Variants in PANK4 observed in about 807,000 individuals in gnomAD.
PANK4 encodes pantothenate kinase 4 (inactive).
Under a neutral mutation model 87.9 loss-of-function variants are expected in PANK4, and 40 were observed. The observed-to-expected ratio is 0.46, with a 90% CI of 0.35 to 0.59. PANK4 has a LOEUF of 0.59. Among genes scored for constraint, PANK4 ranks in the 20% least tolerant of loss-of-function variants. The pLI is 0.00. For synonymous variants in PANK4, 524 were observed against 467.4 expected (o/e 1.12, Z -1.56); for missense variants, 926 against 1,072.3 (o/e 0.86, Z 1.90).
chr1:2,514,566 G>A (rs566340653), intron 10 of PANK4, 100 bp from the exon 11 acceptor site: 201 of 712,694 alleles, frequency 2.8e-4, no homozygotes, highest in African/African-American at 2.5e-3. Flanking sequence ...GGGGTCGGCC[G>A]TGGGGGACTG....
At position 2,515,564 on chromosome 1, in the gene PANK4, C is replaced by G. The variant is rs989407572; in HGVS notation, c.1372G>C (p.Gly458Arg). The change falls in exon 10 of 19, where the codon GGG becomes CGG. Residue 458 changes from glycine (G) to arginine (R), a missense_variant and splice_region_variant. Coordinates refer to ENST00000378466, the MANE Select transcript of PANK4 (RefSeq NM_018216.4). This position sits in a 1 kb window ranked among gnomAD's most constrained non-coding sequence, Gnocchi z 5.0. Reference sequence around the variant, plus strand: ...TAGACGGCACCCGGAGCCCTCACCCCGTCCAGGGCCTCCTCAAAGCAGGTG... The same window carrying G: ...TAGACGGCACCCGGAGCCCTCACCCGGTCCAGGGCCTCCTCAAAGCAGGTG... ...WLTCFEEALD[G>R]VVKRAVASQP... is the part of the protein sequence containing the mutation. The G allele has an allele frequency of 1.2e-6, 2 of 1,612,368 alleles. No homozygotes were observed. Among genetic ancestry groups the G allele is most frequent in the South Asian group, 1.1e-5 (1 of 91,060 alleles).
In PANK4 at chr1:2,515,225, G is replaced by A; in HGVS notation, c.1374+337C>T. ...AGTCTCACCCCACCCCCAGAGTCAGGGTCCCACAATGCCTCCCGCACCTCA... is the reference window on the plus strand; with the variant it reads ...AGTCTCACCCCACCCCCAGAGTCAGAGTCCCACAATGCCTCCCGCACCTCA... On this transcript the variant is annotated intron_variant, in intron 10 of 18. Transcript: ENST00000378466. This position sits in a 1 kb window ranked among gnomAD's most constrained non-coding sequence, Gnocchi z 5.0. The A allele has an allele frequency of 2.1e-6, 1 of 484,288 alleles. No individual in the cohort carries two copies. Among genetic ancestry groups the A allele is most frequent in the East Asian group, 5.3e-5 (1 of 19,022 alleles). The allele number at this position is 484,288 out of a possible 1,614,324, so 30.0% of individuals were successfully genotyped here. A position where few individuals can be genotyped will look rare whatever the true frequency, so the allele number is the denominator to read the frequency against.
At chr1:2,525,618 T>G (rs1248325907) in intron 1 of PANK4, 1 of 152,200 alleles carries the variant, frequency 6.6e-6, no homozygotes, top group Non-Finnish European at 1.5e-5. Flanking sequence ...GGGCTTGGTA[T>G]CCTCATCTGC....
At chr1:2,514,124 G>C (rs1643714718) in intron 11 of PANK4, 35 bp from the exon 12 acceptor site, 1 of 1,551,516 alleles carries the variant, frequency 6.4e-7, no homozygotes, top group South Asian at 1.1e-5. Context: ...GCTGAGCAGG[G>C]CAGGCCGAAC....
Position 2,509,352 on chromosome 1 carries a change from C to T in PANK4, c.2109-292G>A, listed in dbSNP as rs553971465. 7.9e-5 allele frequency among the ~76,000 whole-genome samples: 12 copies of T among 152,312 alleles called. No homozygotes were observed. In the East Asian group the frequency reaches 2.3e-3, roughly 29 times the overall value. The stretch of plus-strand genomic sequence containing the variant: ...GCCCTCCTTGTTGGTGAGAGTGGGG[C>T]TGGGGCACAGATGAAGCCAGCACTG... On this transcript the variant is annotated intron_variant, in intron 18 of 18. Transcript: ENST00000378466. This position sits in a 1 kb window ranked among gnomAD's most constrained non-coding sequence, Gnocchi z 4.9.
Position 2,515,348 on chromosome 1 carries a change from C to G in PANK4, c.1374+214G>C. 1 of 701,362 alleles carries G rather than the reference C, an allele frequency of 1.4e-6. No individual in the cohort carries two copies. Among genetic ancestry groups the G allele is most frequent in the Non-Finnish European group, 2.6e-6 (1 of 385,060 alleles). 43.4% of individuals were successfully genotyped at this position (701,362 alleles called of 1,614,324 possible). A position where few individuals can be genotyped will look rare whatever the true frequency, so the allele number is the denominator to read the frequency against. On this transcript the variant is annotated intron_variant, in intron 10 of 18. Coordinates refer to ENST00000378466, the MANE Select transcript of PANK4 (RefSeq NM_018216.4). The surrounding 1 kb of genome is among the most constrained non-coding windows in gnomAD (Gnocchi z 5.0). ...AGCTGCCCTTAGAAGCAACGTGCCT[C>G]GCAGACGCCACGTCCTCACTGACCC... is the stretch of plus-strand genomic sequence containing the variant.
In PANK4 at chr1:2,520,181, C is replaced by T. The variant is rs1432601579; in HGVS notation, c.699+141G>A. On this transcript the variant is annotated intron_variant, in intron 5 of 18. Coordinates refer to ENST00000378466, the MANE Select transcript of PANK4 (RefSeq NM_018216.4). This position sits in a 1 kb window ranked among gnomAD's most constrained non-coding sequence, Gnocchi z 6.2. ...AACCCTCAGGGCGCAAAGAGTGAAG[C>T]CGCAGAGGCCAGAGACCCACTGACG... is the stretch of plus-strand genomic sequence containing the variant. 7.3e-6 allele frequency: 6 copies of T among 821,346 alleles called. No homozygotes were observed. Among genetic ancestry groups the T allele is most frequent in the African/African-American group, 1.7e-5 (1 of 58,954 alleles). 50.9% of individuals were successfully genotyped at this position (821,346 alleles called of 1,614,324 possible).
chr1:2,519,257 G>A lies in PANK4; in HGVS notation c.921C>T (p.Ala307=), dbSNP rs749433079. 16 of 1,612,534 alleles carry A rather than the reference G, an allele frequency of 9.9e-6. No homozygotes were observed. In the South Asian group the frequency reaches 1.5e-4, roughly 15 times the overall value. Residue 307 remains alanine, a synonymous_variant, in exon 7 of 19, where the codon GCC becomes GCT. Transcript: ENST00000378466. This position sits in a 1 kb window ranked among gnomAD's most constrained non-coding sequence, Gnocchi z 8.3. ...GGCTGTGCAGCCGTGCGTGGAGGCA[G>A]GCCAGCTGCCCAATGTCGTTGCTGA... ...HMISNDIGQL[A]CLHARLHSLD... is the part of the protein sequence containing the mutation.
chr1:2,514,487 G>T (rs755702313), intron 10 of PANK4, 21 bp from the exon 11 acceptor site: 1 of 1,577,496 alleles, frequency 6.3e-7, no homozygotes, highest in South Asian at 1.1e-5. Flanking sequence ...CAGAAGGAGG[G>T]GGTTAGTCAA....
chr1:2,520,862 T>G lies in PANK4; in HGVS notation c.467A>C (p.Asn156Thr). Reference protein sequence around the residue: ...DVMTCLIKGCNFVLKNIPHEA... With the variant: ...DVMTCLIKGCTFVLKNIPHEA... ...ATGGGGGATGTTCTTGAGCACGAAGTTGCACCCCTTAATCAGGCACGTCAT... is the reference window on the plus strand; with the variant it reads ...ATGGGGGATGTTCTTGAGCACGAAGGTGCACCCCTTAATCAGGCACGTCAT... The change falls in exon 4 of 19, where the codon AAC (asparagine) becomes ACC (threonine). Residue 156 changes from asparagine (N) to threonine (T), a missense_variant. Coordinates refer to ENST00000378466, the MANE Select transcript of PANK4 (RefSeq NM_018216.4). This position sits in a 1 kb window ranked among gnomAD's most constrained non-coding sequence, Gnocchi z 6.2. 1 of 1,579,514 alleles carries G rather than the reference T, an allele frequency of 6.3e-7. No individual in the cohort carries two copies. Among genetic ancestry groups the G allele is most frequent in the Non-Finnish European group, 8.6e-7 (1 of 1,163,276 alleles).
rs374270910 is a variant in PANK4 at position 2,510,821 on chromosome 1, G to A, written c.1834-39C>T. On this transcript the variant is annotated intron_variant, in intron 15 of 18. Coordinates refer to ENST00000378466, the MANE Select transcript of PANK4 (RefSeq NM_018216.4). This position sits in a 1 kb window ranked among gnomAD's most constrained non-coding sequence, Gnocchi z 4.9. ...CCAGGACGTTCAGTTGGGAACAGGC[G>A]CATCCAAGCGAGTCAGTCCGCACCC... 34 of 1,209,586 alleles carry A rather than the reference G, an allele frequency of 2.8e-5. No homozygotes were observed. The highest frequency in any genetic ancestry group is 1.9e-4 in the Middle Eastern group (1 of 5,268). The allele number at this position is 1,209,586 out of a possible 1,614,324, so 74.9% of individuals were successfully genotyped here.
chr1:2,520,279 A>G lies in PANK4; in HGVS notation c.699+43T>C, dbSNP rs764272847. 3.8e-6 allele frequency: 6 copies of G among 1,559,506 alleles called. No individual in the cohort carries two copies. Among genetic ancestry groups the G allele is most frequent in the Non-Finnish European group, 5.3e-6 (6 of 1,131,560 alleles). ...AGGCCTTCGGGGGAAGGAAGCAGAC[A>G]TCTCCGCAGACCCCTGGAAGGTCTC... On this transcript the variant is annotated intron_variant, in intron 5 of 18. Transcript: ENST00000378466. This position sits in a 1 kb window ranked among gnomAD's most constrained non-coding sequence, Gnocchi z 6.2.
At chr1:2,512,823 G>C in intron 13 of PANK4, 65 bp downstream of exon 13, 2 of 1,539,742 alleles carry the variant, frequency 1.3e-6, no homozygotes, top group Non-Finnish European at 1.8e-6. Flanking sequence ...CTCCTTGCCC[G>C]CAAGCCTGGG....
At chr1:2,513,172 G>A (rs1643693416) in intron 12 of PANK4, 133 bp from the exon 13 acceptor site, 4 of 924,954 alleles carry the variant, frequency 4.3e-6, no homozygotes, top group East Asian at 2.6e-5. Context: ...GACCCCACCA[G>A]GCACAAGCCT....
In PANK4 at chr1:2,520,409, C is replaced by A; in HGVS notation, c.612G>T (p.Glu204Asp). The stretch of plus-strand genomic sequence containing the variant: ...CGACCCACTCGAACCTGTCCTCCGT[C>A]TCCACCTGCAACAGAGCCAGGGCAG... ...IGSGVSIVKV[E>D]TEDRFEWVGG... Residue 204 changes from glutamate to aspartate, a missense_variant, in exon 5 of 19, where the codon GAG (glutamate) becomes GAT (aspartate). Glu to Asp is a conservative substitution (Grantham distance 45). Transcript: ENST00000378466. The surrounding 1 kb of genome is among the most constrained non-coding windows in gnomAD (Gnocchi z 6.2). The A allele has an allele frequency of 6.2e-7, 1 of 1,612,730 alleles. No individual in the cohort carries two copies. Among genetic ancestry groups the A allele is most frequent in the Non-Finnish European group, 8.5e-7 (1 of 1,179,836 alleles).
chr1:2,514,254 CGAGCTGGGG>C (rs1643717505), intron 11 of PANK4, 91 bp downstream of exon 11: 1 of 1,155,470 alleles, frequency 8.7e-7, no homozygotes, highest in Admixed American at 1.7e-5. Context: ...CCACCCCCAG[CGAGCTGGGG>C]TCCGAATGCC....
chr1:2,508,959 G>C lies in PANK4; in HGVS notation c.2210C>G (p.Ala737Gly). The C allele has an allele frequency of 6.2e-7, 1 of 1,610,348 alleles. No homozygotes were observed. Among genetic ancestry groups the C allele is most frequent in the Non-Finnish European group, 8.5e-7 (1 of 1,179,228 alleles). The change falls in exon 19 of 19, where the codon GCC becomes GGC. Residue 737 changes from alanine (A) to glycine (G), a missense_variant. By Grantham distance (60) the Ala-to-Gly change is moderately conservative. Coordinates refer to ENST00000378466, the MANE Select transcript of PANK4 (RefSeq NM_018216.4). The surrounding 1 kb of genome is among the most constrained non-coding windows in gnomAD (Gnocchi z 5.1). Reference sequence around the variant, plus strand: ...CAGCTTGAGGCTCTCGCAGCGCAGGGCTGCGTGGTAGTTTGTGTGGACAGC... The same window carrying C: ...CAGCTTGAGGCTCTCGCAGCGCAGGCCTGCGTGGTAGTTTGTGTGGACAGC... ...GRAVHTNYHA[A>G]LRCESLKLAV...
chr1:2,516,202 A>G (rs559217172), intron 9 of PANK4, among the ~76,000 whole-genome samples: 1 of 151,996 alleles, frequency 6.6e-6, no homozygotes, highest in Non-Finnish European at 1.5e-5. Flanking sequence ...TGTCCTCACT[A>G]AGCACCAGGC....
chr1:2,509,840 C>T lies in PANK4; in HGVS notation c.2108+22G>A. The T allele has an allele frequency of 6.2e-7, 1 of 1,605,142 alleles. No individual in the cohort carries two copies. Among genetic ancestry groups the T allele is most frequent in the Non-Finnish European group, 8.5e-7 (1 of 1,174,856 alleles). On this transcript the variant is annotated intron_variant, in intron 18 of 18. Coordinates refer to ENST00000378466, the MANE Select transcript of PANK4 (RefSeq NM_018216.4). This position sits in a 1 kb window ranked among gnomAD's most constrained non-coding sequence, Gnocchi z 4.9. ...GGCACAGAGCCCAGGAGGGAGAGAA[C>T]AGGTGCAGGGTGCGGGGTTACCTGA...
Sources: gnomAD v4.1 joint callset for allele counts (sites outside exome capture counted in the v4.1 genomes callset) on GRCh38, gnomAD v4.1.1 for gene constraint, Gnocchi (gnomAD v3.1) non-coding constraint, MANE v1.5 for transcripts, NCBI Gene and HGNC (gene_info 2026-07-23, HGNC 2026-07-21) for gene names.